MAPK8: variants seen among roughly 807,000 people sequenced by gnomAD.
The protein encoded by MAPK8 is JUN N-terminal kinase.
A neutral mutation model predicts 52.9 loss-of-function variants in MAPK8; 13 were observed. The observed-to-expected ratio is 0.25, with a 90% CI of 0.16 to 0.39. MAPK8 has a LOEUF of 0.39. Among genes scored for constraint, MAPK8 ranks in the 10% least tolerant of loss-of-function variants. MAPK8 has a pLI of 1.00. For missense variants in MAPK8, 300 were observed against 519.2 expected (o/e 0.58, Z 4.10); for synonymous variants, 191 against 169.8 (o/e 1.12, Z -0.97).
chr10:48,312,886 C>T (rs1431232282), intron 1 of MAPK8, among the ~76,000 whole-genome samples: 1 of 152,162 alleles, frequency 6.6e-6, no homozygotes, highest in Non-Finnish European at 1.5e-5. Context: ...TAAAGAATCT[C>T]CTTTTCTACT....
chr10:48,342,210 T>A (rs1845359484), intron 1 of MAPK8, among the ~76,000 whole-genome samples: 1 of 152,036 alleles, frequency 6.6e-6, no homozygotes, highest in Admixed American at 6.6e-5. Context: ...CTCAAGCGAT[T>A]CTCCCACCTC....
intron 6 of MAPK8, among the ~76,000 whole-genome samples, chr10:48,421,738 A>AC (rs2043368889): frequency 6.6e-6 from 1 of 152,066 alleles, no homozygotes; most frequent in African/African-American, 2.4e-5. Context: ...CGGGAGGTGG[A>AC]GGTTACAGTG....
In MAPK8 at chr10:48,323,149, G is replaced by A. The variant is rs117688527; in HGVS notation, c.-50+16328G>A. Among the ~76,000 whole-genome samples, 330 of 152,302 alleles carry A rather than the reference G, an allele frequency of 2.2e-3. 2 individuals are homozygous for A. The highest frequency in any genetic ancestry group is 6.8e-3 in the Middle Eastern group (2 of 294). ...GAAATAGCCTTAGGAATAGAAATGG[G>A]AGGGAAAATGGCAGAGAAAACTAGA... On this transcript the variant is annotated intron_variant, in intron 1 of 11. Transcript: ENST00000374189.
intron 1 of MAPK8, among the ~76,000 whole-genome samples, chr10:48,345,584 C>A (rs769376843): frequency 2.6e-5 from 4 of 152,144 alleles, no homozygotes; most frequent in Non-Finnish European, 4.4e-5. Flanking sequence ...ATTTCTGCTT[C>A]CAAAATGGGA....
intron 3 of MAPK8, 29 bp downstream of exon 3, chr10:48,405,010 A>G (rs202070794): frequency 4.0e-6 from 6 of 1,501,308 alleles, no homozygotes; most frequent in South Asian, 2.5e-5. Flanking sequence ...TTTCCTAAGT[A>G]TAGATGAAAT....
chr10:48,323,997 T>A (rs1445824799), intron 1 of MAPK8, among the ~76,000 whole-genome samples: 1 of 152,228 alleles, frequency 6.6e-6, no homozygotes, highest in Non-Finnish European at 1.5e-5. Context: ...CCTCACCCAC[T>A]TTTTAAAGTG....
chr10:48,390,112 T>G (rs1412827273), intron 1 of MAPK8, among the ~76,000 whole-genome samples: 1 of 152,048 alleles, frequency 6.6e-6, no homozygotes, highest in Non-Finnish European at 1.5e-5. Context: ...TGTTTCAGTT[T>G]GAGTCTAAAG....
At chr10:48,328,485 G>A (rs1045764442) in intron 1 of MAPK8, among the ~76,000 whole-genome samples, 1 of 152,104 alleles carries the variant, frequency 6.6e-6, no homozygotes, top group African/African-American at 2.4e-5. Context: ...ATCGTTGAAT[G>A]CTTCCTTGCT....
chr10:48,424,735 C>T lies in MAPK8; in HGVS notation c.688+576C>T, dbSNP rs984081154. 1.7e-5 allele frequency: 8 copies of T among 472,322 alleles called. No homozygotes were observed. The East Asian group carries it at 2.7e-4, about 16-fold the overall frequency. The allele number at this position is 472,322 out of a possible 1,614,324, so 29.3% of individuals were successfully genotyped here. On this transcript the variant is annotated intron_variant, in intron 7 of 11. Coordinates refer to ENST00000374189, the MANE Select transcript of MAPK8 (RefSeq NM_001323329.2). Reference sequence around the variant, plus strand: ...CACCTACTATTTGACATAGACTTTTCCTTCCGTTATTTATTGTTTCATATG... The same window carrying T: ...CACCTACTATTTGACATAGACTTTTTCTTCCGTTATTTATTGTTTCATATG...
At chr10:48,328,160 G>A (rs1257749197) in intron 1 of MAPK8, among the ~76,000 whole-genome samples, 1 of 152,144 alleles carries the variant, frequency 6.6e-6, no homozygotes, top group Admixed American at 6.5e-5. Context: ...GGGATTACAG[G>A]TACATGCCGC....
At chr10:48,345,737 A>T (rs1001803008) in intron 1 of MAPK8, among the ~76,000 whole-genome samples, 1 of 152,258 alleles carries the variant, frequency 6.6e-6, no homozygotes, top group African/African-American at 2.4e-5. Context: ...ATAATATCAC[A>T]GTAAAAGTCC....
chr10:48,416,483 C>G (rs1221666853), intron 5 of MAPK8, among the ~76,000 whole-genome samples: 3 of 152,166 alleles, frequency 2.0e-5, no homozygotes, highest in African/African-American at 7.2e-5. Context: ...TCCCTTTATT[C>G]CACACCTTCT....
At chr10:48,404,365 C>G (rs1336417439) in intron 2 of MAPK8, among the ~76,000 whole-genome samples, 2 of 151,546 alleles carry the variant, frequency 1.3e-5, no homozygotes, top group Non-Finnish European at 2.9e-5. Context: ...ACTGTGTTGG[C>G]CAGGATGGTC....
At chr10:48,348,892 A>G (rs1846034649) in intron 1 of MAPK8, among the ~76,000 whole-genome samples, 1 of 151,882 alleles carries the variant, frequency 6.6e-6, no homozygotes, top group Non-Finnish European at 1.5e-5. Flanking sequence ...GCATGTGCAA[A>G]GACACTCATA....
intron 1 of MAPK8, among the ~76,000 whole-genome samples, chr10:48,372,420 C>A (rs996765254): frequency 2.6e-5 from 4 of 152,056 alleles, no homozygotes; most frequent in African/African-American, 9.7e-5. Context: ...TACTAACAAA[C>A]TCCTCCAAGC....
At chr10:48,316,706 G>T (rs1842536669) in intron 1 of MAPK8, among the ~76,000 whole-genome samples, 1 of 152,200 alleles carries the variant, frequency 6.6e-6, no homozygotes, top group Non-Finnish European at 1.5e-5. Context: ...ATTGGGGCAG[G>T]TTGCTCATCC....
intron 1 of MAPK8, among the ~76,000 whole-genome samples, chr10:48,331,933 T>G (rs1426812832): frequency 6.6e-6 from 1 of 152,158 alleles, no homozygotes; most frequent in Non-Finnish European, 1.5e-5. Context: ...TTGGTGATTA[T>G]GCTTTTTGAG....
intron 1 of MAPK8, 51 bp from the exon 2 acceptor site, chr10:48,401,561 A>G: frequency 5.3e-6 from 7 of 1,310,640 alleles, no homozygotes; most frequent in Non-Finnish European, 7.5e-6. Flanking sequence ...TCAAATTTTA[A>G]GATTAAAACA....
At chr10:48,328,248 G>A (rs974358991) in intron 1 of MAPK8, among the ~76,000 whole-genome samples, 1 of 151,030 alleles carries the variant, frequency 6.6e-6, no homozygotes, top group Admixed American at 6.6e-5. Flanking sequence ...CGAACTTCTT[G>A]ATTAGTCTGG....
Sources: allele counts gnomAD v4.1 joint callset (sites outside exome capture counted in the v4.1 genomes callset), GRCh38; gene constraint gnomAD v4.1.1; transcripts MANE v1.5; gene names NCBI Gene and HGNC (gene_info 2026-07-23, HGNC 2026-07-21).